SOS1: variants seen among roughly 807,000 people sequenced by gnomAD.
SOS1 encodes son of sevenless homolog 1.
In SOS1, 25 loss-of-function variants were observed where a neutral mutation model predicts 157.6. The ratio of observed to expected loss-of-function variants is 0.16; its 90% CI spans 0.12 to 0.22. SOS1 has a LOEUF of 0.22. Among genes scored for constraint, SOS1 ranks in the 10% least tolerant of loss-of-function variants. The probability of loss-of-function intolerance (pLI) is 1.00; values close to 1 mark genes in which losing one functional copy is unlikely to be tolerated. For synonymous variants in SOS1, 528 were observed against 534.0 expected (o/e 0.99, Z 0.16); for missense variants, 1,237 against 1,599.1 (o/e 0.77, Z 3.86).
intron 8 of SOS1, chr2:39,034,694 T>G: frequency 2.6e-6 from 1 of 382,562 alleles, no homozygotes; most frequent in Non-Finnish European, 5.4e-6. Context: ...TTACAGAAAT[T>G]TATTGTTTCT....
chr2:39,103,039 A>G (rs774476789), intron 1 of SOS1, among the ~76,000 whole-genome samples: 1 of 152,212 alleles, frequency 6.6e-6, no homozygotes, highest in Non-Finnish European at 1.5e-5. Context: ...GAAATTAGGA[A>G]TGCAATTCCA....
chr2:39,022,976 G>A lies in SOS1; in HGVS notation c.1452C>T (p.Ser484=), dbSNP rs730880384. 5.0e-6 allele frequency: 8 copies of A among 1,613,694 alleles called. No individual in the cohort carries two copies. Among genetic ancestry groups the A allele is most frequent in the Non-Finnish European group, 4.2e-6 (5 of 1,179,790 alleles). Residue 484 remains serine, a synonymous_variant, in exon 10 of 23, where the codon AGC becomes AGT. Coordinates refer to ENST00000402219, the MANE Select transcript of SOS1 (RefSeq NM_005633.4). ...NHGQPRLPGA[S]NAEYRLKEKF... The stretch of plus-strand genomic sequence containing the variant: ...TTTCTTTAAGACGATATTCTGCATT[G>A]CTAGCACCAGGAAGTCTTGGCTGCC...
At chr2:39,024,185 A>G in intron 8 of SOS1, 48 bp from the exon 9 acceptor site, 1 of 1,491,026 alleles carries the variant, frequency 6.7e-7, no homozygotes. Flanking sequence ...ATTTTTGGAT[A>G]AAATAATAAT....
chr2:39,079,792 C>T (rs1028317424), intron 1 of SOS1, among the ~76,000 whole-genome samples: 5 of 152,094 alleles, frequency 3.3e-5, no homozygotes, highest in African/African-American at 1.2e-4. Flanking sequence ...TGTGCCTGGC[C>T]AGAAATACTT....
At chr2:39,118,762 T>C (rs1311885014) in intron 1 of SOS1, among the ~76,000 whole-genome samples, 1 of 152,228 alleles carries the variant, frequency 6.6e-6, no homozygotes, top group African/African-American at 2.4e-5. Context: ...TTTTCAAATA[T>C]TAGCAACTAA....
chr2:39,023,759 T>C (rs1669873699), intron 9 of SOS1: 1 of 438,450 alleles, frequency 2.3e-6, no homozygotes, highest in Non-Finnish European at 4.1e-6. Flanking sequence ...CATTTTACTC[T>C]GTCTCTCCTT....
chr2:39,124,102 T>C (rs1673992034), upstream of SOS1: 1 of 152,176 alleles, frequency 6.6e-6, no homozygotes, highest in Admixed American at 6.5e-5. Flanking sequence ...CTACAGGGAG[T>C]GCCAGGGTCA....
At chr2:38,998,762 T>C (rs1668986741) in intron 17 of SOS1, among the ~76,000 whole-genome samples, 1 of 152,206 alleles carries the variant, frequency 6.6e-6, no homozygotes, top group Non-Finnish European at 1.5e-5. Flanking sequence ...ATTCTTATGC[T>C]TCTACCTTTT....
intron 20 of SOS1, chr2:38,992,572 A>G (rs1668766351): frequency 6.6e-6 from 1 of 152,224 alleles, no homozygotes; most frequent in Non-Finnish European, 1.5e-5. Flanking sequence ...CTAGTCATTT[A>G]AAGATTCAGC....
At chr2:39,102,333 G>C (rs910315997) in intron 1 of SOS1, among the ~76,000 whole-genome samples, 1 of 150,348 alleles carries the variant, frequency 6.7e-6, no homozygotes, top group African/African-American at 2.4e-5. Flanking sequence ...GACCAGTGTG[G>C]GCAACATAAT....
At chr2:39,015,770 A>G (rs1046507602) in intron 10 of SOS1, among the ~76,000 whole-genome samples, 4 of 150,026 alleles carry the variant, frequency 2.7e-5, no homozygotes, top group African/African-American at 7.4e-5. Context: ...CTATAACTCA[A>G]ATTTTATCAA....
Position 39,092,195 on chromosome 2 carries a change from G to GT in SOS1, c.88-24443dup, listed in dbSNP as rs990389803. On this transcript the variant is annotated intron_variant, in intron 1 of 22. Coordinates refer to ENST00000402219, the MANE Select transcript of SOS1 (RefSeq NM_005633.4). Reference sequence around the variant, plus strand: ...CATATGCTATACTCTAGTCATACTGGTTTTTTTTCTTTTTTCTTTTTGGAG... The same window carrying GT: ...CATATGCTATACTCTAGTCATACTGGTTTTTTTTTCTTTTTTCTTTTTGGAG... 2.5e-3 allele frequency among the ~76,000 whole-genome samples: 377 copies of GT among 151,772 alleles called. 1 individual carries two copies. Among genetic ancestry groups the GT allele is most frequent in the African/African-American group, 8.6e-3 (356 of 41,378 alleles).
intron 8 of SOS1, among the ~76,000 whole-genome samples, chr2:39,032,972 G>A (rs1243974198): frequency 6.6e-6 from 1 of 151,726 alleles, no homozygotes; most frequent in Non-Finnish European, 1.5e-5. Flanking sequence ...CAGATAAATG[G>A]GAAAAAAGAA....
intron 20 of SOS1, among the ~76,000 whole-genome samples, chr2:38,994,201 A>G (rs943071732): frequency 2.0e-5 from 3 of 152,232 alleles, no homozygotes; most frequent in Admixed American, 1.3e-4. Context: ...TGAAATGACA[A>G]TATTTCTGAT....
chr2:39,082,999 C>T (rs943281847), intron 1 of SOS1, among the ~76,000 whole-genome samples: 2 of 152,046 alleles, frequency 1.3e-5, no homozygotes, highest in African/African-American at 4.8e-5. Context: ...AGTTGGTGAG[C>T]AAAATTAGTC....
At chr2:39,117,776 T>C (rs1233931116) in intron 1 of SOS1, among the ~76,000 whole-genome samples, 1 of 152,190 alleles carries the variant, frequency 6.6e-6, no homozygotes, top group Non-Finnish European at 1.5e-5. Flanking sequence ...AGGAATAGAC[T>C]AGAAGAACAT....
At chr2:38,986,505 G>T (rs1003724473) in intron 22 of SOS1, among the ~76,000 whole-genome samples, 190 bp from the exon 23 acceptor site, 17 of 149,734 alleles carry the variant, frequency 1.1e-4, no homozygotes, top group African/African-American at 3.4e-4. Flanking sequence ...TTGCTCTATT[G>T]CCCAGACTGG....
chr2:38,985,747 G>A lies in SOS1; in HGVS notation c.*77C>T. The A allele has an allele frequency of 6.6e-7, 1 of 1,519,262 alleles. No individual in the cohort carries two copies. Among genetic ancestry groups the A allele is most frequent in the Non-Finnish European group, 9.1e-7 (1 of 1,098,430 alleles). The allele number at this position is 1,519,262 out of a possible 1,614,324, so 94.1% of individuals were successfully genotyped here. A position where few individuals can be genotyped will look rare whatever the true frequency, so the allele number is the denominator to read the frequency against. On this transcript the variant is annotated 3_prime_UTR_variant, in exon 23 of 23. Coordinates refer to ENST00000402219, the MANE Select transcript of SOS1 (RefSeq NM_005633.4). ...TTGGAGTTCTCATTTTAACTCCTCA[G>A]TGCTGGCACATTCAGTGCATCCATT... is the stretch of plus-strand genomic sequence containing the variant.
At chr2:39,102,628 A>C (rs1673014138) in intron 1 of SOS1, among the ~76,000 whole-genome samples, 2 of 151,608 alleles carry the variant, frequency 1.3e-5, no homozygotes, top group South Asian at 2.1e-4. Flanking sequence ...CCAGAAGATC[A>C]GGTTATATAG....
Sources: allele counts gnomAD v4.1 joint callset (sites outside exome capture counted in the v4.1 genomes callset), GRCh38; gene constraint gnomAD v4.1.1; transcripts MANE v1.5; gene names NCBI Gene and HGNC (gene_info 2026-07-23, HGNC 2026-07-21).